Variants in NR6A1 observed in about 807,000 individuals in gnomAD.
The protein encoded by NR6A1 is retinoic acid receptor-related testis-associated receptor.
Under a neutral mutation model 59.1 loss-of-function variants are expected in NR6A1, and 7 were observed. The observed-to-expected ratio is 0.12, with a 90% CI of 0.07 to 0.22. The LOEUF is 0.22. NR6A1 is among the 10% of genes least tolerant of loss of function. The pLI, the probability that NR6A1 is intolerant of heterozygous loss-of-function variation, is 1.00. For missense variants in NR6A1, 468 were observed against 611.6 expected (o/e 0.77, Z 2.48); for synonymous variants, 243 against 236.1 (o/e 1.03, Z -0.27).
intron 1 of NR6A1, among the ~76,000 whole-genome samples, chr9:124,742,981 C>T (rs568176567): frequency 2.0e-5 from 3 of 152,178 alleles, no homozygotes; most frequent in Non-Finnish European, 2.9e-5. Flanking sequence ...TAGAAACTTC[C>T]CTTTGGGGGG....
intron 1 of NR6A1, among the ~76,000 whole-genome samples, chr9:124,745,956 C>G (rs1344869104): frequency 6.8e-6 from 1 of 146,612 alleles, no homozygotes; most frequent in Admixed American, 6.8e-5. Context: ...CCACTGCACT[C>G]CAGCCTGGGC....
At chr9:124,593,793 G>C (rs150833429) in intron 2 of NR6A1, among the ~76,000 whole-genome samples, 1 of 152,042 alleles carries the variant, frequency 6.6e-6, no homozygotes. Context: ...CCTCTCTTAC[G>C]GCTCTCTCTC....
At chr9:124,535,733 C>T in intron 7 of NR6A1, 145 bp downstream of exon 7, 4 of 1,057,938 alleles carry the variant, frequency 3.8e-6, no homozygotes, top group Non-Finnish European at 5.5e-6. Flanking sequence ...GCCAAGGTCA[C>T]AAATCTAGTC....
At chr9:124,758,022 C>G (rs182014520) in intron 1 of NR6A1, among the ~76,000 whole-genome samples, 99 of 152,350 alleles carry the variant, frequency 6.5e-4, no homozygotes, top group Non-Finnish European at 1.3e-3. Flanking sequence ...GTTAAATGCA[C>G]TTCTTCACAG....
At chr9:124,685,913 T>G (rs1281754080) in intron 2 of NR6A1, among the ~76,000 whole-genome samples, 1 of 152,192 alleles carries the variant, frequency 6.6e-6, no homozygotes, top group Admixed American at 6.5e-5. Flanking sequence ...ATGAGGTAGA[T>G]CTAAGCATAG....
At chr9:124,707,160 A>T (rs1404221310) in intron 2 of NR6A1, among the ~76,000 whole-genome samples, 1 of 152,132 alleles carries the variant, frequency 6.6e-6, no homozygotes, top group East Asian at 1.9e-4. Context: ...GATGTCCCAC[A>T]GATCTCAGAG....
intron 2 of NR6A1, among the ~76,000 whole-genome samples, chr9:124,556,795 G>T (rs1483466591): frequency 6.6e-6 from 1 of 152,020 alleles, no homozygotes; most frequent in Admixed American, 6.6e-5. Flanking sequence ...TCCAGTAAGA[G>T]AGTAAATTTT....
intron 2 of NR6A1, among the ~76,000 whole-genome samples, chr9:124,677,217 AATAGT>A (rs1365660829): frequency 6.6e-6 from 1 of 152,152 alleles, no homozygotes; most frequent in Admixed American, 6.6e-5. Context: ...ATATGGTCAA[AATAGT>A]ATAGTAACTA....
At chr9:124,693,888 A>G (rs1340692511) in intron 2 of NR6A1, 1 of 438,932 alleles carries the variant, frequency 2.3e-6, no homozygotes, top group Non-Finnish European at 4.8e-6. Context: ...CCAAAACACT[A>G]GCTAAAGCTT....
intron 2 of NR6A1, among the ~76,000 whole-genome samples, chr9:124,601,444 C>T (rs1488742452): frequency 2.0e-5 from 3 of 151,226 alleles, no homozygotes; most frequent in Middle Eastern, 3.2e-3. Flanking sequence ...ATTAGCCGGG[C>T]GTCATGGCGG....
chr9:124,702,995 C>A (rs939884850), intron 2 of NR6A1, among the ~76,000 whole-genome samples: 5 of 151,472 alleles, frequency 3.3e-5, no homozygotes, highest in African/African-American at 1.2e-4. Context: ...ACCTCCTGGG[C>A]TCAAGCGATT....
At chr9:124,606,534 AT>A (rs922904177) in intron 2 of NR6A1, among the ~76,000 whole-genome samples, 3 of 152,216 alleles carry the variant, frequency 2.0e-5, no homozygotes, top group African/African-American at 7.2e-5. Flanking sequence ...GCCTGGAATT[AT>A]ATACTTTGGA....
At chr9:124,607,742 GT>G (rs1372744113) in intron 2 of NR6A1, among the ~76,000 whole-genome samples, 1 of 152,056 alleles carries the variant, frequency 6.6e-6, no homozygotes, top group Non-Finnish European at 1.5e-5. Context: ...TTAGAATAAT[GT>G]TTTTCATGAA....
intron 2 of NR6A1, among the ~76,000 whole-genome samples, chr9:124,586,445 AT>A (rs111374183): frequency 2.4e-3 from 346 of 143,528 alleles, no homozygotes; most frequent in Middle Eastern, 3.6e-3. Flanking sequence ...TTGCATGATA[AT>A]TTTTTTTTTT....
intron 2 of NR6A1, among the ~76,000 whole-genome samples, chr9:124,724,316 T>C (rs957935095): frequency 2.6e-5 from 4 of 152,290 alleles, no homozygotes; most frequent in South Asian, 2.1e-4. Flanking sequence ...TATTTTCTTT[T>C]AGTGTTTTCC....
At chr9:124,637,661 C>A (rs958459553) in intron 2 of NR6A1, among the ~76,000 whole-genome samples, 27 of 151,990 alleles carry the variant, frequency 1.8e-4, no homozygotes, top group African/African-American at 6.3e-4. Context: ...AAGGTCAAAG[C>A]GGGCAGATCA....
intron 1 of NR6A1, among the ~76,000 whole-genome samples, chr9:124,759,308 T>C (rs1840723488): frequency 6.6e-6 from 1 of 152,202 alleles, no homozygotes; most frequent in Non-Finnish European, 1.5e-5. Flanking sequence ...GCCACTAGTT[T>C]ATTGGCCATC....
intron 2 of NR6A1, among the ~76,000 whole-genome samples, chr9:124,619,190 A>G (rs1835988444): frequency 6.6e-6 from 1 of 152,238 alleles, no homozygotes; most frequent in Admixed American, 6.5e-5. Context: ...TCCATGAATC[A>G]TATCATGGAA....
chr9:124,551,391 T>G (rs1833773338), intron 3 of NR6A1, among the ~76,000 whole-genome samples: 1 of 152,210 alleles, frequency 6.6e-6, no homozygotes, highest in African/African-American at 2.4e-5. Context: ...CCTTCTCCTT[T>G]GCTGATTTAT....
Sources: allele counts gnomAD v4.1 joint callset (sites outside exome capture counted in the v4.1 genomes callset), GRCh38; gene constraint gnomAD v4.1.1; transcripts MANE v1.5; gene names NCBI Gene and HGNC (gene_info 2026-07-23, HGNC 2026-07-21).